MICU1: variants seen among roughly 807,000 people sequenced by gnomAD.
MICU1 encodes the protein mitochondrial calcium uptake 1, also known as calcium uptake protein 1, mitochondrial.
In MICU1, 45 loss-of-function variants were observed where a neutral mutation model predicts 56.8. That is an observed-to-expected ratio of 0.79 (90% CI 0.62 to 1.02). MICU1 has a LOEUF of 1.02. Among genes scored for constraint, MICU1 ranks in the 50% least tolerant of loss-of-function variants. The pLI, the probability that MICU1 is intolerant of heterozygous loss-of-function variation, is 0.00. For missense variants in MICU1, 504 were observed against 587.1 expected, an observed-to-expected ratio of 0.86 and a Z score of 1.46; for synonymous variants, 186 against 195.1, an observed-to-expected ratio of 0.95 and a Z score of 0.39.
intron 9 of MICU1, among the ~76,000 whole-genome samples, chr10:72,412,341 G>A (rs1863842519): frequency 6.6e-6 from 1 of 152,174 alleles, no homozygotes; most frequent in Non-Finnish European, 1.5e-5. Flanking sequence ...AAAAGGAACT[G>A]TCTCTTAGAG....
chr10:72,415,161 A>C (rs1040034925), intron 9 of MICU1, among the ~76,000 whole-genome samples: 1 of 151,602 alleles, frequency 6.6e-6, no homozygotes, highest in Non-Finnish European at 1.5e-5. Context: ...GATTACAGAC[A>C]CCTGTCACCA....
At chr10:72,408,800 A>C (rs1199776756) in intron 9 of MICU1, among the ~76,000 whole-genome samples, 1 of 152,226 alleles carries the variant, frequency 6.6e-6, no homozygotes, top group Non-Finnish European at 1.5e-5. Flanking sequence ...GAATCACCAA[A>C]GTCAGTGATA....
chr10:72,398,046 C>A (rs1045093299), intron 10 of MICU1, among the ~76,000 whole-genome samples: 10 of 152,200 alleles, frequency 6.6e-5, no homozygotes, highest in Admixed American at 6.5e-4. Flanking sequence ...AAGTACTCTT[C>A]AGCAAATGTA....
chr10:72,620,729 A>G (rs1842084194), intron 1 of MICU1, among the ~76,000 whole-genome samples: 1 of 152,178 alleles, frequency 6.6e-6, no homozygotes, highest in African/African-American at 2.4e-5. Context: ...TTCTTGCCTC[A>G]TAAACAGAAC....
rs570338506 is a variant in MICU1, at chr10:72,486,221, G to A, written c.653-8965C>T. Among the ~76,000 whole-genome samples, 3 of 152,138 alleles carry A rather than the reference G, an allele frequency of 2.0e-5. No individual in the cohort carries two copies. In the East Asian group the frequency reaches 5.8e-4, roughly 29 times the overall value. ...GGTAATATAAGCATCAAGTGGAAAG[G>A]AACTAAAGGCATAAGGATTAATAAG... On this transcript the variant is annotated intron_variant, in intron 6 of 11. Transcript: ENST00000361114.
At chr10:72,419,402 G>A (rs1365885384) in intron 9 of MICU1, among the ~76,000 whole-genome samples, 1 of 152,164 alleles carries the variant, frequency 6.6e-6, no homozygotes, top group African/African-American at 2.4e-5. Context: ...CTTCCCCACA[G>A]CCAAGAGAAC....
intron 5 of MICU1, among the ~76,000 whole-genome samples, chr10:72,512,005 T>C (rs1360761505): frequency 6.6e-6 from 1 of 152,024 alleles, no homozygotes; most frequent in Non-Finnish European, 1.5e-5. Context: ...TTTCTAGGTA[T>C]TCCTTAATCT....
intron 9 of MICU1, among the ~76,000 whole-genome samples, chr10:72,420,484 G>C (rs1038822867): frequency 2.6e-5 from 4 of 152,082 alleles, no homozygotes; most frequent in Admixed American, 6.6e-5. Flanking sequence ...GTCTTTATTA[G>C]CAGCATGAGA....
chr10:72,446,913 T>C (rs1865123156), intron 8 of MICU1, among the ~76,000 whole-genome samples: 4 of 152,154 alleles, frequency 2.6e-5, no homozygotes, highest in Admixed American at 2.6e-4. Context: ...TTAGCTCTAT[T>C]TAAAGAGAAA....
At chr10:72,545,547 T>C (rs1839874949) in intron 4 of MICU1, among the ~76,000 whole-genome samples, 1 of 152,194 alleles carries the variant, frequency 6.6e-6, no homozygotes, top group Non-Finnish European at 1.5e-5. Flanking sequence ...AGAGTTAAAT[T>C]ATTATGTAAG....
intron 3 of MICU1, among the ~76,000 whole-genome samples, chr10:72,561,442 T>C (rs527480457): frequency 2.0e-5 from 3 of 152,344 alleles, no homozygotes; most frequent in Admixed American, 6.5e-5. Context: ...CACTTGATAA[T>C]TGACTTGTGA....
intron 4 of MICU1, among the ~76,000 whole-genome samples, chr10:72,548,437 T>C (rs996446039): frequency 6.6e-6 from 1 of 152,202 alleles, no homozygotes; most frequent in Non-Finnish European, 1.5e-5. Flanking sequence ...CTGTTTTTAA[T>C]TGCAATATTT....
intron 1 of MICU1, among the ~76,000 whole-genome samples, chr10:72,588,804 T>C (rs1198656215): frequency 2.6e-5 from 4 of 152,152 alleles, no homozygotes. Context: ...CACCCAGTTA[T>C]GACAACCAAA....
chr10:72,454,395 G>A (rs1236807889), intron 8 of MICU1, among the ~76,000 whole-genome samples: 2 of 151,652 alleles, frequency 1.3e-5, no homozygotes, highest in African/African-American at 4.8e-5. Context: ...TGGAGGTTGT[G>A]GTGAGCTGAG....
rs368702991 is a variant in MICU1 at position 72,475,141 on chromosome 10, C to T, written c.892G>A (p.Glu298Lys). The change falls in exon 8 of 12, where the codon GAA becomes AAA. Residue 298 changes from glutamate to lysine, a missense_variant. Physicochemically the swap from Glu to Lys is moderately conservative, Grantham distance 56 (BLOSUM62 1). Transcript: ENST00000361114. The stretch of plus-strand genomic sequence containing the variant: ...TCATGCTGCAGTTTACGCTGAAATT[C>T]GAGGAAGTTTTTGATTGTCAGCTTT... ...KGKLTIKNFL[E>K]FQRKLQHDVL... 3.9e-5 allele frequency: 63 copies of T among 1,611,048 alleles called. No homozygotes were observed. Among genetic ancestry groups the T allele is most frequent in the Middle Eastern group, 3.3e-4 (2 of 6,062 alleles).
intron 8 of MICU1, among the ~76,000 whole-genome samples, chr10:72,467,076 C>T (rs1431747150): frequency 6.6e-6 from 1 of 151,868 alleles, no homozygotes; most frequent in African/African-American, 2.4e-5. Flanking sequence ...TTGTCTCACT[C>T]CGACCTCCAC....
At chr10:72,481,649 T>C (rs982777467) in intron 6 of MICU1, among the ~76,000 whole-genome samples, 9 of 152,204 alleles carry the variant, frequency 5.9e-5, no homozygotes, top group African/African-American at 2.2e-4. Flanking sequence ...TGGCCTCAAG[T>C]GATGCACCCG....
intron 4 of MICU1, among the ~76,000 whole-genome samples, chr10:72,541,618 G>A (rs1026560296): frequency 2.6e-5 from 4 of 151,890 alleles, no homozygotes; most frequent in Non-Finnish European, 5.9e-5. Context: ...CCATTCCCTA[G>A]TCCCCTGCCC....
intron 1 of MICU1, among the ~76,000 whole-genome samples, chr10:72,573,163 T>C (rs1265103693): frequency 1.3e-5 from 2 of 151,902 alleles, no homozygotes; most frequent in East Asian, 1.9e-4. Context: ...AAAAAGTTCA[T>C]AGTGTTATCT....
Sources: gnomAD v4.1 joint callset for allele counts (sites outside exome capture counted in the v4.1 genomes callset) on GRCh38, gnomAD v4.1.1 for gene constraint, MANE v1.5 for transcripts, NCBI Gene and HGNC (gene_info 2026-07-23, HGNC 2026-07-21) for gene names.